Variants in MAD1L1 observed in about 807,000 individuals in gnomAD.
MAD1L1 encodes mitotic arrest deficient 1 like 1.
MAD1L1 carries 95 observed loss-of-function variants against 96.9 expected under a neutral mutation model. The observed-to-expected ratio is 0.98, with a 90% CI of 0.83 to 1.16. The LOEUF (loss-of-function observed/expected upper bound fraction) is 1.16, where lower values mean the gene tolerates loss of function less well. Among genes scored for constraint, MAD1L1 ranks in the 50% most tolerant of loss-of-function variants. The probability of loss-of-function intolerance (pLI) is 0.00; values close to 1 mark genes in which losing one functional copy is unlikely to be tolerated. For synonymous variants in MAD1L1, 473 were observed against 396.6 expected, an observed-to-expected ratio of 1.19 and a Z score of -2.29; for missense variants, 1,007 against 954.4, an observed-to-expected ratio of 1.06 and a Z score of -0.73.
chr7:1,878,129 T>A (rs182350644), intron 18 of MAD1L1, among the ~76,000 whole-genome samples: 2 of 151,654 alleles, frequency 1.3e-5, no homozygotes, highest in East Asian at 3.9e-4. Flanking sequence ...CAAAACTGAC[T>A]CAAAAAACAT....
chr7:1,856,499 T>C (rs753142959), intron 18 of MAD1L1, among the ~76,000 whole-genome samples: 20 of 152,344 alleles, frequency 1.3e-4, no homozygotes, highest in South Asian at 6.2e-4. Flanking sequence ...TGGCCAGCTG[T>C]CGGCTAATCT....
chr7:1,883,141 A>G (rs1001158015), intron 18 of MAD1L1, among the ~76,000 whole-genome samples: 1 of 148,262 alleles, frequency 6.7e-6, no homozygotes, highest in Non-Finnish European at 1.5e-5. Context: ...TGTCACAAAC[A>G]ATTCCAGGAA....
chr7:1,819,072 C>T (rs1229828953), intron 18 of MAD1L1, among the ~76,000 whole-genome samples: 2 of 152,128 alleles, frequency 1.3e-5, no homozygotes, highest in African/African-American at 4.8e-5. Context: ...ATTAGCAGGA[C>T]CTGCTGAATG....
intron 18 of MAD1L1, among the ~76,000 whole-genome samples, chr7:1,895,468 C>T (rs764734892): frequency 6.6e-6 from 1 of 152,212 alleles, no homozygotes; most frequent in Non-Finnish European, 1.5e-5. Flanking sequence ...CAGCTCTCAG[C>T]CCCGCCTGCA....
intron 3 of MAD1L1, among the ~76,000 whole-genome samples, chr7:2,227,793 G>A (rs1412017338): frequency 6.6e-6 from 1 of 152,184 alleles, no homozygotes; most frequent in Admixed American, 6.5e-5. Context: ...TGAGCCTCTC[G>A]AGAAGGGTGG....
At chr7:2,063,694 C>T (rs978437124) in intron 12 of MAD1L1, among the ~76,000 whole-genome samples, 7 of 152,234 alleles carry the variant, frequency 4.6e-5, no homozygotes, top group South Asian at 2.1e-4. Flanking sequence ...TAAATCGCTG[C>T]GCAGCCTGGG....
intron 10 of MAD1L1, among the ~76,000 whole-genome samples, chr7:2,198,352 T>G (rs890673865): frequency 3.9e-5 from 6 of 152,240 alleles, no homozygotes; most frequent in Admixed American, 2.0e-4. Flanking sequence ...AGAGCCCGCC[T>G]TTGCTTCTGC....
chr7:1,914,677 G>T (rs1249599286), intron 17 of MAD1L1, among the ~76,000 whole-genome samples: 2 of 152,184 alleles, frequency 1.3e-5, no homozygotes, highest in Non-Finnish European at 2.9e-5. Flanking sequence ...ACAGGGGTGC[G>T]ATCACAGCTC....
At chr7:2,111,245 G>A (rs1787364312) in intron 11 of MAD1L1, among the ~76,000 whole-genome samples, 2 of 152,174 alleles carry the variant, frequency 1.3e-5, no homozygotes, top group African/African-American at 2.4e-5. Context: ...GAAGACTAGA[G>A]GGGCTCGGGA....
At chr7:2,005,253 T>C (rs1262119709) in intron 13 of MAD1L1, among the ~76,000 whole-genome samples, 2 of 152,120 alleles carry the variant, frequency 1.3e-5, no homozygotes, top group African/African-American at 4.8e-5. Flanking sequence ...GAGCCACCTT[T>C]CACTGAAGAC....
At chr7:2,148,482 C>T (rs1209507466) in intron 11 of MAD1L1, 6 of 152,688 alleles carry the variant, frequency 3.9e-5, no homozygotes, top group African/African-American at 1.4e-4. Context: ...GCCAAGGAGG[C>T]ATAAGGGGCC....
At chr7:1,887,355 G>A (rs997133769) in intron 18 of MAD1L1, among the ~76,000 whole-genome samples, 3 of 151,814 alleles carry the variant, frequency 2.0e-5, no homozygotes, top group Non-Finnish European at 2.9e-5. Context: ...GTGTGAGCAT[G>A]CATGTGTGTG....
intron 18 of MAD1L1, among the ~76,000 whole-genome samples, chr7:1,871,558 A>AC (rs1194942977): frequency 1.0e-4 from 15 of 144,480 alleles, no homozygotes; most frequent in Middle Eastern, 4.0e-3. Context: ...GCCACGCTGA[A>AC]CCCAACATAC....
At chr7:1,989,805 T>C (rs1297813433) in intron 14 of MAD1L1, among the ~76,000 whole-genome samples, 1 of 152,162 alleles carries the variant, frequency 6.6e-6, no homozygotes, top group Non-Finnish European at 1.5e-5. Flanking sequence ...GCTGGCCCCA[T>C]GTTCCTCTGC....
At chr7:2,230,418 C>T in intron 2 of MAD1L1, 131 bp downstream of exon 2, 1 of 345,960 alleles carries the variant, frequency 2.9e-6, no homozygotes, top group Non-Finnish European at 5.5e-6. Context: ...AGCTGGCGCC[C>T]GGGAGGCGGG....
intron 12 of MAD1L1, among the ~76,000 whole-genome samples, chr7:2,045,906 G>A (rs187871576): frequency 1.3e-5 from 2 of 152,298 alleles, no homozygotes; most frequent in Admixed American, 1.3e-4. Flanking sequence ...CCATGGAGCT[G>A]AGCCATCATC....
At chr7:1,895,690 C>A (rs537109804) in intron 18 of MAD1L1, among the ~76,000 whole-genome samples, 6 of 152,350 alleles carry the variant, frequency 3.9e-5, no homozygotes, top group African/African-American at 1.4e-4. Context: ...GGGGCCTCTG[C>A]GGGCACCAGG....
intron 10 of MAD1L1, among the ~76,000 whole-genome samples, chr7:2,176,314 C>T (rs1790944239): frequency 1.3e-5 from 2 of 152,156 alleles, no homozygotes; most frequent in African/African-American, 4.8e-5. Flanking sequence ...CACCACTGCA[C>T]TCCAGACTGG....
At chr7:2,109,678 A>C (rs1584343486) in intron 11 of MAD1L1, 1 of 152,318 alleles carries the variant, frequency 6.6e-6, no homozygotes, top group East Asian at 1.9e-4. Context: ...ATAGTTTTAA[A>C]CACTTCTGTG....
Sources: gnomAD v4.1 joint callset for allele counts (sites outside exome capture counted in the v4.1 genomes callset) on GRCh38, gnomAD v4.1.1 for gene constraint, MANE v1.5 for transcripts, NCBI Gene and HGNC (gene_info 2026-07-23, HGNC 2026-07-21) for gene names.